AGBL4: variants seen among roughly 807,000 people sequenced by gnomAD.
AGBL4 encodes cytosolic carboxypeptidase 6.
A neutral mutation model predicts 66.4 loss-of-function variants in AGBL4; 58 were observed. The observed-to-expected ratio is 0.87, with a 90% CI of 0.71 to 1.09. AGBL4 has a LOEUF of 1.09. Ranked by LOEUF, AGBL4 falls within the 50% of genes least tolerant of loss-of-function variation. The pLI is 0.00. For missense variants in AGBL4, 579 were observed against 631.0 expected (o/e 0.92, Z 0.88); for synonymous variants, 234 against 222.9 (o/e 1.05, Z -0.44).
chr1:48,714,957 G>A (rs1156606617), intron 6 of AGBL4, among the ~76,000 whole-genome samples: 1 of 152,212 alleles, frequency 6.6e-6, no homozygotes, highest in Non-Finnish European at 1.5e-5. Flanking sequence ...CAGTTTAGCT[G>A]AAGATGGAAT....
At chr1:49,002,084 C>T (rs1661433510) in intron 5 of AGBL4, among the ~76,000 whole-genome samples, 1 of 152,124 alleles carries the variant, frequency 6.6e-6, no homozygotes, top group African/African-American at 2.4e-5. Flanking sequence ...TACAAAGAAA[C>T]TCAAATATTA....
chr1:48,624,114 T>A (rs903010016), intron 9 of AGBL4, among the ~76,000 whole-genome samples: 1 of 152,176 alleles, frequency 6.6e-6, no homozygotes, highest in African/African-American at 2.4e-5. Context: ...GGAGATTCTA[T>A]GTGGGTGGAT....
At chr1:49,122,179 G>A (rs1040514723) in intron 4 of AGBL4, among the ~76,000 whole-genome samples, 8 of 152,178 alleles carry the variant, frequency 5.3e-5, no homozygotes, top group African/African-American at 1.4e-4. Flanking sequence ...GTGAGGCAAC[G>A]CCCTGCCCTG....
At chr1:49,014,198 T>C (rs1245398274) in intron 5 of AGBL4, among the ~76,000 whole-genome samples, 1 of 152,194 alleles carries the variant, frequency 6.6e-6, no homozygotes, top group Non-Finnish European at 1.5e-5. Flanking sequence ...TCTTGTCAAC[T>C]AAGGTTACTC....
At chr1:48,696,127 G>T (rs1450639619) in intron 6 of AGBL4, among the ~76,000 whole-genome samples, 5 of 152,232 alleles carry the variant, frequency 3.3e-5, no homozygotes, top group Non-Finnish European at 5.9e-5. Flanking sequence ...GGAGGTATTC[G>T]AAATATTAGA....
chr1:49,953,676 T>C (rs1021020868), intron 1 of AGBL4, among the ~76,000 whole-genome samples: 1 of 151,758 alleles, frequency 6.6e-6, no homozygotes, highest in Non-Finnish European at 1.5e-5. Flanking sequence ...GGATTAGGGA[T>C]GCTCAACTGG....
intron 3 of AGBL4, among the ~76,000 whole-genome samples, chr1:49,554,145 C>A (rs1653206625): frequency 6.6e-6 from 1 of 152,188 alleles, no homozygotes; most frequent in Non-Finnish European, 1.5e-5. Flanking sequence ...AACACACACA[C>A]ACACACAGTC....
chr1:48,548,352 C>T (rs1644197532), intron 11 of AGBL4, among the ~76,000 whole-genome samples: 1 of 152,010 alleles, frequency 6.6e-6, no homozygotes, highest in Non-Finnish European at 1.5e-5. Flanking sequence ...CGGAGTTAAT[C>T]CTCCTCATCT....
At chr1:49,794,490 G>A (rs1644682321) in intron 2 of AGBL4, among the ~76,000 whole-genome samples, 1 of 151,838 alleles carries the variant, frequency 6.6e-6, no homozygotes, top group African/African-American at 2.4e-5. Context: ...ACAACAGTTG[G>A]TTTTAAAGAG....
intron 6 of AGBL4, among the ~76,000 whole-genome samples, chr1:48,835,662 G>T (rs1646655204): frequency 6.6e-6 from 1 of 152,118 alleles, no homozygotes; most frequent in African/African-American, 2.4e-5. Context: ...ATAAGCCTCT[G>T]CCAATTCTAA....
chr1:49,997,662 A>C (rs772759696), intron 1 of AGBL4, among the ~76,000 whole-genome samples: 11 of 152,294 alleles, frequency 7.2e-5, no homozygotes, highest in Admixed American at 2.0e-4. Context: ...ACAGAAAGTC[A>C]ACAAAGAAAC....
intron 1 of AGBL4, among the ~76,000 whole-genome samples, chr1:49,932,971 C>T (rs538549682): frequency 9.2e-5 from 14 of 151,982 alleles, no homozygotes; most frequent in African/African-American, 1.4e-4. Flanking sequence ...CCAAAGAAGA[C>T]GAGAGACCAA....
intron 9 of AGBL4, among the ~76,000 whole-genome samples, chr1:48,602,940 G>A (rs994561912): frequency 5.3e-5 from 8 of 152,198 alleles, no homozygotes; most frequent in Non-Finnish European, 1.2e-4. Context: ...ATGCCTTTCA[G>A]GTGCTGTAAG....
At chr1:49,098,731 T>C (rs190290625) in intron 4 of AGBL4, among the ~76,000 whole-genome samples, 15 of 152,292 alleles carry the variant, frequency 9.8e-5, no homozygotes, top group African/African-American at 3.4e-4. Context: ...ATCTGGACTA[T>C]TAAGAATTTC....
At chr1:48,649,608 G>T (rs902392058) in intron 8 of AGBL4, among the ~76,000 whole-genome samples, 2 of 152,154 alleles carry the variant, frequency 1.3e-5, no homozygotes, top group Non-Finnish European at 2.9e-5. Flanking sequence ...ATCTATCATG[G>T]TATAGTGGCC....
intron 6 of AGBL4, among the ~76,000 whole-genome samples, chr1:48,683,145 T>C (rs543109477): frequency 6.6e-6 from 1 of 152,350 alleles, no homozygotes; most frequent in African/African-American, 2.4e-5. Context: ...ACAGGGATGA[T>C]GACAGCTGTG....
intron 5 of AGBL4, among the ~76,000 whole-genome samples, chr1:48,942,114 C>A (rs1391770294): frequency 6.6e-6 from 1 of 152,132 alleles, no homozygotes; most frequent in Non-Finnish European, 1.5e-5. Flanking sequence ...CATAGGAAAG[C>A]CTGAAAGTTG....
Position 48,755,899 on chromosome 1 carries a change from A to C in AGBL4, c.635-92658T>G, listed in dbSNP as rs192637934. Among the ~76,000 whole-genome samples, 157 of 152,332 alleles carry C rather than the reference A, an allele frequency of 1.0e-3. 3 individuals are homozygous for C. In the South Asian group the frequency reaches 0.026, roughly 25 times the overall value. ...TGATTGAATAAACAAATGAACAAAC[A>C]TATATAACCCCTCTTATCTTCAATA... is the stretch of plus-strand genomic sequence containing the variant. On this transcript the variant is annotated intron_variant, in intron 6 of 13. Transcript: ENST00000371839.
intron 4 of AGBL4, among the ~76,000 whole-genome samples, chr1:49,204,044 G>A (rs1287613061): frequency 1.3e-5 from 2 of 152,060 alleles, no homozygotes; most frequent in Non-Finnish European, 1.5e-5. Context: ...AGGTAGACAG[G>A]GCCCTCAGGG....
Sources: gnomAD v4.1 joint callset for allele counts (sites outside exome capture counted in the v4.1 genomes callset) on GRCh38, gnomAD v4.1.1 for gene constraint, MANE v1.5 for transcripts, NCBI Gene and HGNC (gene_info 2026-07-23, HGNC 2026-07-21) for gene names.